The following BMPR1B variants were observed in gnomAD, a reference collection of about 807,000 sequenced individuals.
BMPR1B encodes bone morphogenetic protein receptor type-1B.
A neutral mutation model predicts 59.1 loss-of-function variants in BMPR1B; 12 were observed. That is an observed-to-expected ratio of 0.20 (90% CI 0.13 to 0.33). The LOEUF is 0.33. Among genes scored for constraint, BMPR1B ranks in the 10% least tolerant of loss-of-function variants. The pLI, the probability that BMPR1B is intolerant of heterozygous loss-of-function variation, is 1.00. For missense variants in BMPR1B, 550 were observed against 610.9 expected, an observed-to-expected ratio of 0.90 and a Z score of 1.05; for synonymous variants, 237 against 207.3, an observed-to-expected ratio of 1.14 and a Z score of -1.23.
intron 10 of BMPR1B, among the ~76,000 whole-genome samples, chr4:95,140,540 A>G (rs1367614916): frequency 1.3e-5 from 2 of 152,072 alleles, no homozygotes; most frequent in Admixed American, 1.3e-4. Flanking sequence ...CAGTCTCAGA[A>G]TCACCTCTAA....
intron 2 of BMPR1B, among the ~76,000 whole-genome samples, chr4:94,979,063 A>G (rs1287461760): frequency 6.6e-6 from 1 of 151,982 alleles, no homozygotes; most frequent in East Asian, 1.9e-4. Flanking sequence ...AAATCTGTCT[A>G]CTTCTTTGTC....
chr4:94,779,031 T>C (rs1414135434), intron 1 of BMPR1B, among the ~76,000 whole-genome samples: 1 of 152,168 alleles, frequency 6.6e-6, no homozygotes, highest in Non-Finnish European at 1.5e-5. Context: ...TTTAATGTAG[T>C]CAAATTTTTC....
chr4:95,151,070 C>T (rs1438397896), intron 11 of BMPR1B, among the ~76,000 whole-genome samples: 1 of 152,150 alleles, frequency 6.6e-6, no homozygotes, highest in Non-Finnish European at 1.5e-5. Flanking sequence ...TCTTTCTAGT[C>T]CAGGCCCTTC....
At chr4:95,148,006 T>A (rs983314572) in intron 10 of BMPR1B, among the ~76,000 whole-genome samples, 2 of 152,160 alleles carry the variant, frequency 1.3e-5, no homozygotes, top group African/African-American at 4.8e-5. Context: ...TTTCAGAAAG[T>A]TAAAGATGTT....
At chr4:95,033,739 C>T (rs1365633227) in intron 3 of BMPR1B, among the ~76,000 whole-genome samples, 1 of 152,028 alleles carries the variant, frequency 6.6e-6, no homozygotes, top group Admixed American at 6.6e-5. Flanking sequence ...GACCAGCTTC[C>T]TGAGCTAGAA....
At chr4:95,144,949 A>C (rs1331713023) in intron 10 of BMPR1B, among the ~76,000 whole-genome samples, 1 of 152,116 alleles carries the variant, frequency 6.6e-6, no homozygotes, top group Non-Finnish European at 1.5e-5. Flanking sequence ...CCTGTCCTGT[A>C]ATCCTTGAAA....
At chr4:95,082,986 C>T (rs1339747741) in intron 3 of BMPR1B, among the ~76,000 whole-genome samples, 15 of 127,448 alleles carry the variant, frequency 1.2e-4, no homozygotes, top group African/African-American at 4.2e-4. Context: ...TGCAGTGAGC[C>T]GAGATCGCGC....
At chr4:94,847,311 T>C (rs1725371615) in intron 1 of BMPR1B, among the ~76,000 whole-genome samples, 1 of 152,182 alleles carries the variant, frequency 6.6e-6, no homozygotes, top group Non-Finnish European at 1.5e-5. Context: ...TGTAGAGATA[T>C]GGGAATCCTT....
intron 3 of BMPR1B, among the ~76,000 whole-genome samples, chr4:94,997,200 G>A (rs1722119141): frequency 6.6e-6 from 1 of 152,110 alleles, no homozygotes; most frequent in Non-Finnish European, 1.5e-5. Context: ...TGTTAAGTTA[G>A]GTTATAGATG....
intron 3 of BMPR1B, among the ~76,000 whole-genome samples, chr4:95,025,293 T>C (rs1578947685): frequency 6.6e-6 from 1 of 152,096 alleles, no homozygotes; most frequent in Non-Finnish European, 1.5e-5. Flanking sequence ...TTGTTCGAAA[T>C]TGGGAGATGT....
At chr4:95,137,872 C>T (rs575284220) in intron 10 of BMPR1B, among the ~76,000 whole-genome samples, 2 of 151,988 alleles carry the variant, frequency 1.3e-5, no homozygotes, top group Non-Finnish European at 2.9e-5. Context: ...TTTGCCAGTC[C>T]GTATCTTTTA....
chr4:94,842,378 T>C (rs1040522590), intron 1 of BMPR1B, among the ~76,000 whole-genome samples: 1 of 152,146 alleles, frequency 6.6e-6, no homozygotes, highest in African/African-American at 2.4e-5. Context: ...AGTAGAACAC[T>C]GAAAACTATT....
At chr4:95,145,808 G>A (rs991751570) in intron 10 of BMPR1B, among the ~76,000 whole-genome samples, 3 of 152,158 alleles carry the variant, frequency 2.0e-5, no homozygotes, top group South Asian at 2.1e-4. Context: ...TAGTGCTAAA[G>A]GCACTTGCCA....
chr4:95,138,269 G>A (rs1733956761), intron 10 of BMPR1B, among the ~76,000 whole-genome samples: 1 of 152,208 alleles, frequency 6.6e-6, no homozygotes, highest in East Asian at 1.9e-4. Context: ...TTTCTGCTGA[G>A]AGATCAGCTG....
chr4:94,860,645 GTTT>G (rs1240107851), intron 1 of BMPR1B, among the ~76,000 whole-genome samples: 1 of 151,920 alleles, frequency 6.6e-6, no homozygotes, highest in Non-Finnish European at 1.5e-5. Context: ...TTATTTTTTA[GTTT>G]TTGTAGGAGT....
At chr4:95,083,037 C>CAAAAAAAA (rs1171888403) in intron 3 of BMPR1B, among the ~76,000 whole-genome samples, 2 of 60,634 alleles carry the variant, frequency 3.3e-5, no homozygotes, top group African/African-American at 7.1e-5. Flanking sequence ...TACTCTGTCT[C>CAAAAAAAA]AAAAAAAAAA....
intron 3 of BMPR1B, among the ~76,000 whole-genome samples, chr4:95,090,664 A>G (rs1010887943): frequency 6.6e-6 from 1 of 152,090 alleles, no homozygotes; most frequent in Admixed American, 6.6e-5. Context: ...CAAAGTGCTT[A>G]CAGCACTTTG....
rs1370081002 is a variant in BMPR1B, at chr4:95,155,115, GT to G, written c.*443del. On this transcript the variant is annotated 3_prime_UTR_variant, in exon 13 of 13. Transcript: ENST00000515059. Reference sequence around the variant, plus strand: ...AATTAAAATACTTGTTTTTCCATTGGTAAAATATTGTTGCACTCTGTGAACC... The same window carrying G: ...AATTAAAATACTTGTTTTTCCATTGGAAAATATTGTTGCACTCTGTGAACC... The G allele has an allele frequency of 1.1e-5, 2 of 182,286 alleles. No individual in the cohort carries two copies. Among genetic ancestry groups the G allele is most frequent in the African/African-American group, 4.8e-5 (2 of 41,798 alleles). The allele number at this position is 182,286 out of a possible 1,614,324, so 11.3% of individuals were successfully genotyped here. A position where few individuals can be genotyped will look rare whatever the true frequency, so the allele number is the denominator to read the frequency against.
At position 94,926,264 on chromosome 4, in the gene BMPR1B, G is replaced by C. The variant is rs137857568; in HGVS notation, c.-113+50364G>C. ...CACTGCAGGATATTTGGTGCTTTTC[G>C]TTCTGAATAGATGTTTTATAGGTTT... On this transcript the variant is annotated intron_variant, in intron 2 of 12. Transcript: ENST00000515059. Among the ~76,000 whole-genome samples the C allele has an allele frequency of 9.2e-5, 14 of 151,752 alleles. 1 individual carries two copies. In the South Asian group the frequency reaches 2.9e-3, roughly 32 times the overall value.
Sources: allele counts gnomAD v4.1 joint callset (sites outside exome capture counted in the v4.1 genomes callset), GRCh38; gene constraint gnomAD v4.1.1; transcripts MANE v1.5; gene names NCBI Gene and HGNC (gene_info 2026-07-23, HGNC 2026-07-21).